The following PPFIA2 variants were observed in gnomAD, a reference collection of about 807,000 sequenced individuals.
PPFIA2 encodes the protein PPFI scaffold protein A2, also known as liprin-alpha-2.
In PPFIA2, 46 loss-of-function variants were observed where a neutral mutation model predicts 175.5. The ratio of observed to expected loss-of-function variants is 0.26; its 90% CI spans 0.21 to 0.34. The LOEUF is 0.34. Ranked by LOEUF, PPFIA2 falls within the 10% of genes least tolerant of loss-of-function variation. PPFIA2 has a pLI of 1.00. For missense variants in PPFIA2, 1,179 were observed against 1,506.1 expected, an observed-to-expected ratio of 0.78 and a Z score of 3.60; for synonymous variants, 568 against 511.4, an observed-to-expected ratio of 1.11 and a Z score of -1.49.
chr12:81,502,873 C>T (rs906268037), intron 4 of PPFIA2, among the ~76,000 whole-genome samples: 4 of 151,948 alleles, frequency 2.6e-5, no homozygotes, highest in African/African-American at 9.7e-5. Context: ...TATAACTAGT[C>T]ATCTATAATC....
intron 3 of PPFIA2, among the ~76,000 whole-genome samples, chr12:81,717,863 CAT>C (rs1276800677): frequency 1.3e-5 from 2 of 151,320 alleles, no homozygotes; most frequent in Non-Finnish European, 3.0e-5. Flanking sequence ...CAAGGCAAAA[CAT>C]AAAAAAAAAC....
intron 4 of PPFIA2, among the ~76,000 whole-genome samples, chr12:81,584,842 T>TTATAATTATAAATATAA (rs1430640561): frequency 1.6e-5 from 2 of 126,014 alleles, no homozygotes; most frequent in Non-Finnish European, 3.2e-5. Flanking sequence ...TTTACATATT[T>TTATAATTATAAATATAA]TATAATTATA....
Position 81,353,246 on chromosome 12 carries a change from T to C in PPFIA2, c.1867A>G (p.Ile623Val), listed in dbSNP as rs867192104. The change falls in exon 17 of 33, where the codon ATT (isoleucine) becomes GTT (valine). Residue 623 changes from isoleucine (I) to valine (V), a missense_variant. Coordinates refer to ENST00000549396, the MANE Select transcript of PPFIA2 (RefSeq NM_003625.5). Reference sequence around the variant, plus strand: ...ATTGTTTCTCTGTCATCATCATCAATATCAGACATTTCAGTGTCACTTTCA... The same window carrying C: ...ATTGTTTCTCTGTCATCATCATCAACATCAGACATTTCAGTGTCACTTTCA... The part of the protein sequence containing the change: ...PFESDTEMSD[I>V]DDDDRETIFS... The C allele has an allele frequency of 3.7e-6, 6 of 1,613,648 alleles. No homozygotes were observed. The highest frequency in any genetic ancestry group is 4.2e-6 in the Non-Finnish European group (5 of 1,179,770).
intron 4 of PPFIA2, among the ~76,000 whole-genome samples, chr12:81,493,720 G>A (rs1022936582): frequency 7.1e-6 from 1 of 141,656 alleles, no homozygotes; most frequent in Non-Finnish European, 1.5e-5. Context: ...AGATGGAATT[G>A]AGTGTGTGTT....
chr12:81,389,961 C>T (rs2039802998), intron 8 of PPFIA2, among the ~76,000 whole-genome samples: 1 of 152,048 alleles, frequency 6.6e-6, no homozygotes, highest in African/African-American at 2.4e-5. Flanking sequence ...CACCCCCAGC[C>T]CCAGACAACC....
chr12:81,339,204 CT>C lies in PPFIA2; in HGVS notation c.2523del (p.Glu842LysfsTer24). 1 of 1,602,608 alleles carries C rather than the reference CT, an allele frequency of 6.2e-7. No homozygotes were observed. The highest frequency in any genetic ancestry group is 1.7e-5 in the Admixed American group (1 of 58,252). ...CGGAGCTGCCCAAGTCGAGCTTTTT[CT>C]TTTTTACCAAACAAACGTCCTATTG... ...KSSIGRLFGKKEKARLGQLRG... is the reference protein window; with the variant it reads ...KSSIGRLFGKXEKARLGQLRG... On this transcript the variant is annotated frameshift_variant, in exon 21 of 33. Coordinates refer to ENST00000549396, the MANE Select transcript of PPFIA2 (RefSeq NM_003625.5). LOFTEE classifies it high-confidence loss of function.
Position 81,676,830 on chromosome 12 carries a change from T to C in PPFIA2, c.264A>G (p.Leu88=). The stretch of plus-strand genomic sequence containing the variant: ...CCTTAGAACCAGCCAGCCCTCCTGT[T>C]AGGGATTCGATATCCTGAAAAGGGG... ...NSALPQDIES[L]TGGLAGSKGA... The change falls in exon 4 of 33, where the codon CTA becomes CTG. Residue 88 remains leucine (L), a synonymous_variant. Transcript: ENST00000549396. The C allele has an allele frequency of 6.4e-7, 1 of 1,563,964 alleles. No individual in the cohort carries two copies.
chr12:81,326,187 C>G (rs1438948041), intron 21 of PPFIA2, among the ~76,000 whole-genome samples: 1 of 152,060 alleles, frequency 6.6e-6, no homozygotes, highest in Non-Finnish European at 1.5e-5. Flanking sequence ...TTATACTTTT[C>G]TTATGGAAAA....
chr12:81,375,777 C>T lies in PPFIA2; in HGVS notation c.1131+19G>A. ...GAGAACGCACAGACCAGAAGAAAAC[C>T]AAGACAGAGATACTGAACCTGCCGC... On this transcript the variant is annotated intron_variant, in intron 10 of 32. Coordinates refer to ENST00000549396, the MANE Select transcript of PPFIA2 (RefSeq NM_003625.5). 4 of 1,591,048 alleles carry T rather than the reference C, an allele frequency of 2.5e-6. No homozygotes were observed. Among genetic ancestry groups the T allele is most frequent in the South Asian group, 1.1e-5 (1 of 90,254 alleles).
rs371715341 is a variant in PPFIA2 at position 81,284,506 on chromosome 12, G to A, written c.2926-203C>T. The stretch of plus-strand genomic sequence containing the variant: ...ACTCAAAAAGATTAACTAGAAAGAG[G>A]CATTCTGTGAAGCTCTTGGGGATGT... On this transcript the variant is annotated intron_variant, in intron 24 of 32. Transcript: ENST00000549396. 159 of 530,112 alleles carry A rather than the reference G, an allele frequency of 3.0e-4. 2 individuals carry two copies. In the South Asian group the frequency reaches 3.7e-3, roughly 12 times the overall value. 32.8% of individuals were successfully genotyped at this position (530,112 alleles called of 1,614,324 possible).
chr12:81,262,176 T>A, intron 31 of PPFIA2, 136 bp from the exon 32 acceptor site: 1 of 630,484 alleles, frequency 1.6e-6, no homozygotes, highest in Non-Finnish European at 2.8e-6. Flanking sequence ...TATAAGCCAC[T>A]CACATTCCTC....
chr12:81,496,608 C>T (rs754590600), intron 4 of PPFIA2, among the ~76,000 whole-genome samples: 4 of 152,070 alleles, frequency 2.6e-5, no homozygotes, highest in Admixed American at 6.6e-5. Context: ...CATAAATCCA[C>T]GTGAATGAAA....
At chr12:81,567,352 A>G (rs192243198) in intron 4 of PPFIA2, among the ~76,000 whole-genome samples, 257 of 152,314 alleles carry the variant, frequency 1.7e-3, no homozygotes, top group Non-Finnish European at 2.8e-3. Context: ...CCCGGCCAGG[A>G]GAGACTTTCT....
chr12:81,349,683 T>G (rs1246611227), intron 17 of PPFIA2, among the ~76,000 whole-genome samples: 1 of 152,190 alleles, frequency 6.6e-6, no homozygotes, highest in Non-Finnish European at 1.5e-5. Flanking sequence ...CACAGAAATT[T>G]TGGTTATTAA....
intron 3 of PPFIA2, among the ~76,000 whole-genome samples, chr12:81,742,726 T>A (rs974804298): frequency 2.0e-5 from 3 of 152,086 alleles, no homozygotes; most frequent in Non-Finnish European, 2.9e-5. Context: ...AAAGACAAGG[T>A]TCAGGATCCT....
At chr12:81,702,757 A>G (rs1380397874) in intron 3 of PPFIA2, among the ~76,000 whole-genome samples, 1 of 152,154 alleles carries the variant, frequency 6.6e-6, no homozygotes, top group African/African-American at 2.4e-5. Context: ...ATGCGATCAT[A>G]TTAGAAGACA....
chr12:81,357,940 G>GT lies in PPFIA2; in HGVS notation c.1773+141dup, dbSNP rs527843638. The GT allele has an allele frequency of 5.9e-4, 517 of 875,968 alleles. 2 individuals are homozygous for GT. In the African/African-American group the frequency reaches 7.8e-3, roughly 13 times the overall value. 54.3% of individuals were successfully genotyped at this position (875,968 alleles called of 1,614,324 possible). A position where few individuals can be genotyped will look rare whatever the true frequency, so the allele number is the denominator to read the frequency against. On this transcript the variant is annotated intron_variant, in intron 16 of 32. Transcript: ENST00000549396. ...TAGTAGGGGCTTTATGTTACTTATA[G>GT]TTTTTTTAAAAATGTCATACTCTGT...
At chr12:81,703,248 C>G (rs1309796294) in intron 3 of PPFIA2, among the ~76,000 whole-genome samples, 2 of 152,120 alleles carry the variant, frequency 1.3e-5, no homozygotes. Context: ...TATCAGACAT[C>G]TTATTAGACA....
intron 4 of PPFIA2, among the ~76,000 whole-genome samples, chr12:81,572,417 T>G (rs890515655): frequency 2.0e-5 from 3 of 152,076 alleles, no homozygotes; most frequent in Non-Finnish European, 4.4e-5. Flanking sequence ...TTAAGTATTG[T>G]TTTCATTTTA....
Sources: allele counts gnomAD v4.1 joint callset (sites outside exome capture counted in the v4.1 genomes callset), GRCh38; gene constraint gnomAD v4.1.1; transcripts MANE v1.5; gene names NCBI Gene and HGNC (gene_info 2026-07-23, HGNC 2026-07-21).